Variants in NXN observed in about 807,000 individuals in gnomAD.
NXN encodes the protein nucleoredoxin, also known as nucleoredoxin 1.
Under a neutral mutation model 48.6 loss-of-function variants are expected in NXN, and 16 were observed. The ratio of observed to expected loss-of-function variants is 0.33; its 90% CI spans 0.22 to 0.50. The LOEUF is 0.50. NXN is among the 20% of genes least tolerant of loss of function. NXN has a pLI of 0.98. For synonymous variants in NXN, 281 were observed against 269.6 expected (o/e 1.04, Z -0.41); for missense variants, 492 against 605.5 (o/e 0.81, Z 1.97).
intron 1 of NXN, among the ~76,000 whole-genome samples, chr17:832,724 G>C (rs945726201): frequency 1.3e-5 from 2 of 152,048 alleles, no homozygotes; most frequent in African/African-American, 2.4e-5. Context: ...ACTGTAACCT[G>C]CATCTTCCCT....
chr17:897,852 T>G (rs2068503110), intron 1 of NXN, among the ~76,000 whole-genome samples: 1 of 152,136 alleles, frequency 6.6e-6, no homozygotes, highest in African/African-American at 2.4e-5. Flanking sequence ...CTTTTTCTAT[T>G]TTTTTCTTAG....
intron 1 of NXN, among the ~76,000 whole-genome samples, chr17:930,734 A>G (rs1414447205): frequency 6.6e-6 from 1 of 151,816 alleles, no homozygotes; most frequent in East Asian, 1.9e-4. Flanking sequence ...GGAAAACCGT[A>G]AATGGTGGTA....
intron 1 of NXN, among the ~76,000 whole-genome samples, chr17:913,157 CATAA>C (rs1355197238): frequency 3.3e-5 from 5 of 152,130 alleles, no homozygotes; most frequent in African/African-American, 1.2e-4. Context: ...ATTCTCTGAA[CATAA>C]ATAGAGGCTA....
At chr17:924,035 C>T (rs2068773205) in intron 1 of NXN, among the ~76,000 whole-genome samples, 1 of 151,266 alleles carries the variant, frequency 6.6e-6, no homozygotes, top group Admixed American at 6.6e-5. Flanking sequence ...TTCCTATATT[C>T]TAGTGCTTTT....
chr17:819,851 C>T (rs1031354307), intron 4 of NXN, among the ~76,000 whole-genome samples: 2 of 152,216 alleles, frequency 1.3e-5, no homozygotes, highest in Non-Finnish European at 2.9e-5. Context: ...TCTTTCTTGC[C>T]TCAGAGCTCA....
intron 1 of NXN, among the ~76,000 whole-genome samples, chr17:953,186 G>A (rs1009172228): frequency 1.1e-4 from 16 of 152,068 alleles, no homozygotes; most frequent in African/African-American, 2.9e-4. Flanking sequence ...AGGCCGAGGC[G>A]GGCGGATCAC....
chr17:816,024 G>A (rs73975543), intron 5 of NXN, among the ~76,000 whole-genome samples: 8 of 152,168 alleles, frequency 5.3e-5, no homozygotes, highest in Non-Finnish European at 1.2e-4. Flanking sequence ...ATCTCTGTAT[G>A]GAGAAAGGAT....
chr17:921,727 G>A (rs1232251816), intron 1 of NXN, among the ~76,000 whole-genome samples: 1 of 140,808 alleles, frequency 7.1e-6, no homozygotes, highest in Non-Finnish European at 1.5e-5. Flanking sequence ...CATCCTCACT[G>A]CCCCTGGACA....
intron 1 of NXN, among the ~76,000 whole-genome samples, chr17:908,970 G>A (rs1235772454): frequency 6.6e-6 from 1 of 151,996 alleles, no homozygotes; most frequent in Non-Finnish European, 1.5e-5. Flanking sequence ...GCCGGGTGTG[G>A]TGGCACTTGT....
At chr17:977,262 G>C (rs564807360) in intron 1 of NXN, among the ~76,000 whole-genome samples, 1 of 152,290 alleles carries the variant, frequency 6.6e-6, no homozygotes, top group Admixed American at 6.5e-5. Context: ...ATGTGAGTCA[G>C]AAAAACTCTG....
chr17:823,555 G>C, intron 3 of NXN, 77 bp downstream of exon 3: 12 of 1,564,072 alleles, frequency 7.7e-6, no homozygotes, highest in Non-Finnish European at 1.0e-5. Context: ...CTCACCCCCA[G>C]AAGCCAACCA....
intron 1 of NXN, chr17:842,506 C>T (rs1292553467): frequency 1.0e-5 from 10 of 985,242 alleles, no homozygotes; most frequent in African/African-American, 5.2e-5. Context: ...CACGGGGCCG[C>T]GTCTCACATG....
chr17:950,812 G>C (rs2011833), intron 1 of NXN, among the ~76,000 whole-genome samples: 3,968 of 151,918 alleles, frequency 0.026, 77 homozygotes, highest in South Asian at 0.067. Flanking sequence ...GCAGGGGAAA[G>C]AGTCGGACGA....
chr17:803,474 A>C (rs974551496), intron 7 of NXN, among the ~76,000 whole-genome samples: 1 of 152,206 alleles, frequency 6.6e-6, no homozygotes, highest in South Asian at 2.1e-4. Flanking sequence ...GCTGCCGAGC[A>C]TGGACGGGAA....
chr17:802,394 C>A (rs1911254019), intron 7 of NXN, among the ~76,000 whole-genome samples: 1 of 152,238 alleles, frequency 6.6e-6, no homozygotes, highest in Non-Finnish European at 1.5e-5. Flanking sequence ...CCTCCCTCCC[C>A]TGTGAAACAG....
At chr17:842,157 C>G (rs1465646669) in intron 1 of NXN, among the ~76,000 whole-genome samples, 1 of 152,016 alleles carries the variant, frequency 6.6e-6, no homozygotes, top group Non-Finnish European at 1.5e-5. Flanking sequence ...AAAAAACCTG[C>G]TCGACACCCT....
At chr17:955,325 A>G (rs1230373722) in intron 1 of NXN, among the ~76,000 whole-genome samples, 2 of 149,182 alleles carry the variant, frequency 1.3e-5, no homozygotes, top group African/African-American at 2.5e-5. Context: ...GCGCCACCAC[A>G]CCCTGCTAAT....
chr17:934,377 T>C (rs7210549), intron 1 of NXN, among the ~76,000 whole-genome samples: 69,628 of 150,156 alleles, frequency 0.46, 16,638 homozygotes, highest in East Asian at 0.88. Flanking sequence ...ACCCGGGAGA[T>C]GGAGCTTGCA....
intron 1 of NXN, among the ~76,000 whole-genome samples, chr17:918,356 G>A (rs557312072): frequency 2.6e-5 from 4 of 152,240 alleles, no homozygotes; most frequent in African/African-American, 2.4e-5. Context: ...AGGAGCGCAC[G>A]ATCCATCAGC....
Sources: allele counts gnomAD v4.1 joint callset (sites outside exome capture counted in the v4.1 genomes callset), GRCh38; gene constraint gnomAD v4.1.1; transcripts MANE v1.5; gene names NCBI Gene and HGNC (gene_info 2026-07-23, HGNC 2026-07-21).